The following CNGA1 variants were observed in gnomAD, a reference collection of about 807,000 sequenced individuals.
CNGA1 encodes cyclic nucleotide-gated channel alpha-1.
A neutral mutation model predicts 69.7 loss-of-function variants in CNGA1; 53 were observed. The observed-to-expected ratio is 0.76, with a 90% confidence interval of 0.61 to 0.96. CNGA1 has a LOEUF of 0.96. CNGA1 is among the 40% of genes least tolerant of loss of function. The probability of loss-of-function intolerance (pLI) is 0.00; values close to 1 mark genes in which losing one functional copy is unlikely to be tolerated. For missense variants in CNGA1, 739 were observed against 811.2 expected (o/e 0.91, Z 1.08); for synonymous variants, 249 against 283.5 (o/e 0.88, Z 1.22).
intron 3 of CNGA1, among the ~76,000 whole-genome samples, chr4:47,972,061 G>A (rs1741078048): frequency 1.3e-5 from 2 of 152,070 alleles, no homozygotes; most frequent in African/African-American, 4.8e-5. Context: ...CATAACCAAT[G>A]TATAGTTTTG....
chr4:48,007,950 G>A (rs922007726), intron 2 of CNGA1, among the ~76,000 whole-genome samples: 1 of 152,144 alleles, frequency 6.6e-6, no homozygotes, highest in South Asian at 2.1e-4. Context: ...TTTAAAAGGG[G>A]AGAGAAAACC....
At chr4:48,003,344 G>C (rs977771318) in intron 2 of CNGA1, among the ~76,000 whole-genome samples, 3 of 152,172 alleles carry the variant, frequency 2.0e-5, no homozygotes, top group African/African-American at 7.2e-5. Flanking sequence ...GCAGAGGGCT[G>C]ACTTTGAATA....
chr4:48,007,780 G>A (rs1034097427), intron 2 of CNGA1, among the ~76,000 whole-genome samples: 19 of 151,954 alleles, frequency 1.3e-4, no homozygotes, highest in African/African-American at 4.4e-4. Flanking sequence ...GTTACCAAAA[G>A]GCAAAAGAAA....
At chr4:47,991,498 CT>C (rs1363883106) in intron 2 of CNGA1, among the ~76,000 whole-genome samples, 1 of 151,916 alleles carries the variant, frequency 6.6e-6, no homozygotes, top group Non-Finnish European at 1.5e-5. Flanking sequence ...TCTTAGCCCA[CT>C]TTTTGATGGA....
chr4:47,968,065 T>C (rs1740820433), intron 3 of CNGA1, among the ~76,000 whole-genome samples: 1 of 152,188 alleles, frequency 6.6e-6, no homozygotes, highest in South Asian at 2.1e-4. Context: ...TCTCTGCCAG[T>C]TGGATAAGGA....
chr4:47,971,103 A>AG (rs1491052996), intron 3 of CNGA1: 1 of 184,450 alleles, frequency 5.4e-6, no homozygotes, highest in African/African-American at 2.4e-5. Flanking sequence ...GACTCCATCT[A>AG]AAAAAAAAAA....
Position 47,936,731 on chromosome 4 carries a change from T to C in CNGA1, c.1751A>G (p.Tyr584Cys). 1 of 1,614,188 alleles carries C rather than the reference T, an allele frequency of 6.2e-7. No homozygotes were observed. Among genetic ancestry groups the C allele is most frequent in the Non-Finnish European group, 8.5e-7 (1 of 1,180,024 alleles). The change falls in exon 11 of 11, where the codon TAC becomes TGC. Residue 584 changes from tyrosine (Y) to cysteine (C), a missense_variant. By Grantham distance (194) the Tyr-to-Cys change is radical. Coordinates refer to ENST00000514170, the MANE Select transcript of CNGA1 (RefSeq NM_001379270.1). ...TTCCAGCATAGTTTTGGCATCTGGG[T>C]ACTCAGTTAGAGCTTCCATGAGGTC... ...KDDLMEALTE[Y>C]PDAKTMLEEK... is the part of the protein sequence containing the mutation.
intron 2 of CNGA1, among the ~76,000 whole-genome samples, chr4:48,009,007 G>A (rs1577611421): frequency 2.6e-5 from 1 of 38,268 alleles, no homozygotes; most frequent in African/African-American, 4.8e-5. Flanking sequence ...CTTGGGCTGG[G>A]TTTATAGGTT....
rs532128780 is a variant in CNGA1, at chr4:47,962,067, C to T, written c.-14-9364G>A. On this transcript the variant is annotated intron_variant, in intron 3 of 10. Transcript: ENST00000514170. The stretch of plus-strand genomic sequence containing the variant: ...AGATTTTTAAAATATTAATTATGGC[C>T]GGGCGCGGTGGCTCGTGCCTGTAAT... Among the ~76,000 whole-genome samples, 7 of 152,086 alleles carry T rather than the reference C, an allele frequency of 4.6e-5. No individual in the cohort carries two copies. In the East Asian group the frequency reaches 7.7e-4, roughly 17 times the overall value.
At chr4:47,939,398 TCTCTTCATCTGG>T (rs1393474815) in intron 10 of CNGA1, among the ~76,000 whole-genome samples, 1 of 152,228 alleles carries the variant, frequency 6.6e-6, no homozygotes, top group Non-Finnish European at 1.5e-5. Flanking sequence ...GCCCTATGTA[TCTCTTCATCTGG>T]CTCTTCATCT....
chr4:48,002,838 A>C (rs1714723675), intron 2 of CNGA1, among the ~76,000 whole-genome samples: 1 of 152,034 alleles, frequency 6.6e-6, no homozygotes, highest in African/African-American at 2.4e-5. Context: ...TTATGTCTGC[A>C]CCTTAGCAGG....
At chr4:47,950,087 C>T (rs1454594245) in intron 5 of CNGA1, among the ~76,000 whole-genome samples, 192 bp from the exon 6 acceptor site, 2 of 152,206 alleles carry the variant, frequency 1.3e-5, no homozygotes, top group Non-Finnish European at 2.9e-5. Context: ...CTCCATGAAG[C>T]ATGACTTGCC....
chr4:48,015,761 C>T (rs982073170), intron 1 of CNGA1, among the ~76,000 whole-genome samples: 1 of 152,134 alleles, frequency 6.6e-6, no homozygotes, highest in Non-Finnish European at 1.5e-5. Context: ...AGTACACCAC[C>T]ACATCTGGCT....
intron 3 of CNGA1, among the ~76,000 whole-genome samples, chr4:47,961,749 G>T (rs1269405233): frequency 6.6e-6 from 1 of 152,034 alleles, no homozygotes; most frequent in Non-Finnish European, 1.5e-5. Flanking sequence ...TAAAAATACT[G>T]TCCAATGTGG....
intron 3 of CNGA1, among the ~76,000 whole-genome samples, chr4:47,963,812 A>G (rs1740586529): frequency 6.6e-6 from 1 of 152,218 alleles, no homozygotes; most frequent in Non-Finnish European, 1.5e-5. Flanking sequence ...AATTAAAATG[A>G]AAGAAAAATC....
At chr4:47,950,140 G>A (rs1739654061) in intron 5 of CNGA1, among the ~76,000 whole-genome samples, 1 of 152,202 alleles carries the variant, frequency 6.6e-6, no homozygotes, top group Non-Finnish European at 1.5e-5. Context: ...TGGTTTGGCT[G>A]TGTCCCCACC....
intron 10 of CNGA1, among the ~76,000 whole-genome samples, chr4:47,938,713 TA>T (rs1296156100): frequency 7.2e-5 from 11 of 151,770 alleles, no homozygotes; most frequent in African/African-American, 2.7e-4. Context: ...TTTGTTGTGG[TA>T]TTTGGTTCTT....
rs180673696 is a variant in CNGA1 at position 47,949,745 on chromosome 4, C to T, written c.287+88G>A. 42 of 924,846 alleles carry T rather than the reference C, an allele frequency of 4.5e-5. No homozygotes were observed. In the Admixed American group the frequency reaches 8.6e-4, roughly 19 times the overall value. The allele number at this position is 924,846 out of a possible 1,614,324, so 57.3% of individuals were successfully genotyped here. ...TAGATCATTTGATTAATAAATGTTT[C>T]CTCTATAACAGATTCAGATATATTC... On this transcript the variant is annotated intron_variant, in intron 6 of 10. Coordinates refer to ENST00000514170, the MANE Select transcript of CNGA1 (RefSeq NM_001379270.1).
intron 3 of CNGA1, among the ~76,000 whole-genome samples, chr4:47,973,427 C>T (rs1302133044): frequency 1.3e-5 from 2 of 152,098 alleles, no homozygotes; most frequent in African/African-American, 4.8e-5. Context: ...GCTCAGAGCA[C>T]TCACACACCA....
Sources: gnomAD v4.1 joint callset for allele counts (sites outside exome capture counted in the v4.1 genomes callset) on GRCh38, gnomAD v4.1.1 for gene constraint, MANE v1.5 for transcripts, NCBI Gene and HGNC (gene_info 2026-07-23, HGNC 2026-07-21) for gene names.